Variants in NCOA1 observed in about 807,000 individuals in gnomAD.
NCOA1 encodes the protein nuclear receptor coactivator 1, also known as Hin-2 protein.
NCOA1 carries 35 observed loss-of-function variants against 150.9 expected under a neutral mutation model. The ratio of observed to expected loss-of-function variants is 0.23; its 90% CI spans 0.18 to 0.31. NCOA1 has a LOEUF of 0.31. NCOA1 is among the 10% of genes least tolerant of loss of function. The pLI, the probability that NCOA1 is intolerant of heterozygous loss-of-function variation, is 1.00. For missense variants in NCOA1, 1,491 were observed against 1,749.3 expected, an observed-to-expected ratio of 0.85 and a Z score of 2.63; for synonymous variants, 590 against 630.0, an observed-to-expected ratio of 0.94 and a Z score of 0.95.
At chr2:24,554,688 C>G (rs997993490) in intron 1 of NCOA1, 1 of 152,136 alleles carries the variant, frequency 6.6e-6, no homozygotes, top group Admixed American at 6.5e-5. Flanking sequence ...GAAGCTGGTT[C>G]AAACATGGCC....
chr2:24,627,570 C>T (rs1669488124), intron 3 of NCOA1, among the ~76,000 whole-genome samples: 1 of 148,796 alleles, frequency 6.7e-6, no homozygotes, highest in African/African-American at 2.4e-5. Context: ...TAACTATCAC[C>T]TAAAGAGATT....
intron 10 of NCOA1, among the ~76,000 whole-genome samples, chr2:24,696,342 G>A (rs1214870507): frequency 3.9e-5 from 6 of 152,102 alleles, no homozygotes; most frequent in Non-Finnish European, 8.8e-5. Flanking sequence ...TATGAAGAAG[G>A]GGAAGATGGG....
At chr2:24,628,950 A>T (rs2148425995) in intron 3 of NCOA1, among the ~76,000 whole-genome samples, 1 of 152,262 alleles carries the variant, frequency 6.6e-6, no homozygotes, top group African/African-American at 2.4e-5. Flanking sequence ...GGATTAGAAT[A>T]GTGGATTTGT....
At chr2:24,581,091 C>T (rs980761000) in intron 2 of NCOA1, among the ~76,000 whole-genome samples, 2 of 152,180 alleles carry the variant, frequency 1.3e-5, no homozygotes, top group African/African-American at 4.8e-5. Flanking sequence ...ATTGATTTCT[C>T]CCTGGCTGGG....
At chr2:24,720,952 G>A (rs1674331435) in intron 14 of NCOA1, among the ~76,000 whole-genome samples, 1 of 152,098 alleles carries the variant, frequency 6.6e-6, no homozygotes, top group South Asian at 2.1e-4. Flanking sequence ...CAAATATCTT[G>A]CATAGGATAG....
At chr2:24,493,057 A>C (rs991134347) in intron 1 of NCOA1, among the ~76,000 whole-genome samples, 1 of 152,108 alleles carries the variant, frequency 6.6e-6, no homozygotes, top group African/African-American at 2.4e-5. Flanking sequence ...GGATTTCTTC[A>C]TGTTGAGAAT....
chr2:24,591,501 A>G (rs972544607), intron 3 of NCOA1, among the ~76,000 whole-genome samples: 11 of 152,206 alleles, frequency 7.2e-5, no homozygotes, highest in Non-Finnish European at 1.3e-4. Context: ...TGAAGGCTCA[A>G]AAAGTTAGCT....
At chr2:24,527,407 ATCT>A (rs753943476) in intron 1 of NCOA1, among the ~76,000 whole-genome samples, 40 of 152,052 alleles carry the variant, frequency 2.6e-4, no homozygotes, top group Non-Finnish European at 4.7e-4. Context: ...AGGTCATATA[ATCT>A]TCTTATTTTT....
intron 5 of NCOA1, among the ~76,000 whole-genome samples, chr2:24,664,257 C>A (rs1671312740): frequency 6.6e-6 from 1 of 152,170 alleles, no homozygotes; most frequent in Admixed American, 6.5e-5. Flanking sequence ...TAATGAAAGA[C>A]TTAAAAGACA....
chr2:24,573,328 T>G (rs888814562), intron 2 of NCOA1, among the ~76,000 whole-genome samples: 1 of 152,188 alleles, frequency 6.6e-6, no homozygotes, highest in African/African-American at 2.4e-5. Context: ...TGTAAGTTAC[T>G]AAATAGCTAT....
At chr2:24,535,705 A>T (rs1665102572) in intron 1 of NCOA1, among the ~76,000 whole-genome samples, 1 of 152,114 alleles carries the variant, frequency 6.6e-6, no homozygotes, top group East Asian at 1.9e-4. Flanking sequence ...TCCTTCACTT[A>T]TGAAGCTTAG....
At chr2:24,650,533 G>T (rs55844521) in intron 4 of NCOA1, among the ~76,000 whole-genome samples, 8,120 of 152,092 alleles carry the variant, frequency 0.053, 300 homozygotes, top group East Asian at 0.19. Flanking sequence ...TCTGATAGGG[G>T]TCTAATACCC....
intron 11 of NCOA1, among the ~76,000 whole-genome samples, chr2:24,702,401 A>G (rs570413906): frequency 2.6e-5 from 4 of 152,290 alleles, no homozygotes; most frequent in African/African-American, 9.6e-5. Context: ...GCATTGACCC[A>G]TAGTACCCTG....
intron 3 of NCOA1, among the ~76,000 whole-genome samples, chr2:24,640,648 A>C (rs1245362005): frequency 6.6e-6 from 1 of 152,142 alleles, no homozygotes; most frequent in African/African-American, 2.4e-5. Flanking sequence ...ACAATTAAAA[A>C]TTTCTTTAAA....
intron 1 of NCOA1, among the ~76,000 whole-genome samples, chr2:24,531,780 G>A (rs144135256): frequency 1.1e-4 from 16 of 152,254 alleles, no homozygotes; most frequent in Non-Finnish European, 1.3e-4. Flanking sequence ...TGCAAAGGAC[G>A]TGAACTCATC....
intron 17 of NCOA1, among the ~76,000 whole-genome samples, chr2:24,734,915 C>T (rs1054520668): frequency 1.3e-5 from 2 of 151,968 alleles, no homozygotes; most frequent in African/African-American, 4.8e-5. Flanking sequence ...AATAGAAAGC[C>T]CAGAAACACA....
intron 7 of NCOA1, among the ~76,000 whole-genome samples, chr2:24,681,531 G>A (rs946081778): frequency 1.3e-5 from 2 of 152,116 alleles, no homozygotes; most frequent in African/African-American, 4.8e-5. Context: ...GAACAAAATT[G>A]TAACAGTGGT....
At chr2:24,752,183 C>A in intron 20 of NCOA1, 27 bp downstream of exon 20, 1 of 1,604,972 alleles carries the variant, frequency 6.2e-7, no homozygotes, top group Non-Finnish European at 8.5e-7. Flanking sequence ...TATATATGAG[C>A]ATCCTTGATA....
intron 1 of NCOA1, among the ~76,000 whole-genome samples, chr2:24,524,325 G>A (rs1189023977): frequency 6.6e-6 from 1 of 151,896 alleles, no homozygotes; most frequent in African/African-American, 2.4e-5. Context: ...AGACAGGGTC[G>A]CACTCTGTCG....
Sources: gnomAD v4.1 joint callset for allele counts (sites outside exome capture counted in the v4.1 genomes callset) on GRCh38, gnomAD v4.1.1 for gene constraint, MANE v1.5 for transcripts, NCBI Gene and HGNC (gene_info 2026-07-23, HGNC 2026-07-21) for gene names.